The following AKT2 variants were observed in gnomAD, a reference collection of about 807,000 sequenced individuals.
AKT2 encodes RAC-beta serine/threonine-protein kinase.
Under a neutral mutation model 58.6 loss-of-function variants are expected in AKT2, and 16 were observed. That is an observed-to-expected ratio of 0.27 (90% CI 0.18 to 0.41). The LOEUF (loss-of-function observed/expected upper bound fraction) is 0.41, where lower values mean the gene tolerates loss of function less well. Among genes scored for constraint, AKT2 ranks in the 10% least tolerant of loss-of-function variants. AKT2 has a pLI of 1.00. For missense variants in AKT2, 438 were observed against 661.0 expected, an observed-to-expected ratio of 0.66 and a Z score of 3.70; for synonymous variants, 253 against 254.0, an observed-to-expected ratio of 1.00 and a Z score of 0.04.
chr19:40,260,080 A>C (rs944924362), intron 2 of AKT2, among the ~76,000 whole-genome samples: 5 of 152,144 alleles, frequency 3.3e-5, no homozygotes, highest in Non-Finnish European at 5.9e-5. Context: ...TGAACCCAGG[A>C]GGTGGAGGTT....
Position 40,242,244 on chromosome 19 carries a change from GC to G in AKT2, c.442-176del. On this transcript the variant is annotated intron_variant, in intron 5 of 13. Transcript: ENST00000392038. This position sits in a 1 kb window ranked among gnomAD's most constrained non-coding sequence, Gnocchi z 4.3. ...TGTTCTGAAGCGGCCTTCAGACCAG[GC>G]TCTGCAGGCACAGGGCCTTGGGAGG... The G allele has an allele frequency of 2.0e-6, 2 of 994,320 alleles. No homozygotes were observed. The highest frequency in any genetic ancestry group is 1.4e-5 in the South Asian group (1 of 70,524). 61.6% of individuals were successfully genotyped at this position (994,320 alleles called of 1,614,324 possible). A position where few individuals can be genotyped will look rare whatever the true frequency, so the allele number is the denominator to read the frequency against.
Position 40,242,594 on chromosome 19 carries a change from G to A in AKT2, c.381C>T (p.Pro127=), listed in dbSNP as rs1181595533. ...EDPMDYKCGS[P]SDSSTTEEME... ...TCTCCTCAGTCGTGGAGGAGTCACT[G>A]GGGGAGCCACACTTGTAGTCCATGG... is the stretch of plus-strand genomic sequence containing the variant. Residue 127 remains proline (P), a synonymous_variant, in exon 5 of 14, where the codon CCC becomes CCT. Coordinates refer to ENST00000392038, the MANE Select transcript of AKT2 (RefSeq NM_001626.6). The surrounding 1 kb of genome is among the most constrained non-coding windows in gnomAD (Gnocchi z 4.3). The A allele has an allele frequency of 6.2e-7, 1 of 1,613,676 alleles. No homozygotes were observed. The highest frequency in any genetic ancestry group is 1.3e-5 in the African/African-American group (1 of 74,934).
chr19:40,249,267 C>A (rs541862759), intron 4 of AKT2, among the ~76,000 whole-genome samples: 1 of 152,130 alleles, frequency 6.6e-6, no homozygotes, highest in Non-Finnish European at 1.5e-5. Flanking sequence ...TGAGAGGAGA[C>A]CCCGGCATCC....
intron 2 of AKT2, among the ~76,000 whole-genome samples, chr19:40,258,455 G>A (rs1269936957): frequency 6.6e-6 from 1 of 151,746 alleles, no homozygotes; most frequent in East Asian, 1.9e-4. Flanking sequence ...GCTTAAGTCT[G>A]GAGTTTGAGA....
rs555927298 is a variant in AKT2, at chr19:40,281,754, G to A, written c.-85+3427C>T. 1.4e-4 allele frequency among the ~76,000 whole-genome samples: 22 copies of A among 152,352 alleles called. No homozygotes were observed. The South Asian group carries it at 4.3e-3, about 30-fold the overall frequency. On this transcript the variant is annotated intron_variant, in intron 1 of 13. Coordinates refer to ENST00000392038, the MANE Select transcript of AKT2 (RefSeq NM_001626.6). ...ACTGGCAAAGGCCTTCAAAGTCCCGGCAGAAATACTAAGAATTACAATTGC... is the reference window on the plus strand; with the variant it reads ...ACTGGCAAAGGCCTTCAAAGTCCCGACAGAAATACTAAGAATTACAATTGC...
In AKT2 at chr19:40,241,366, G is replaced by A. The variant is rs950334413; in HGVS notation, c.573+572C>T. 1.7e-5 allele frequency: 3 copies of A among 176,238 alleles called. 1 individual carries two copies. Among genetic ancestry groups the A allele is most frequent in the South Asian group, 2.5e-4 (2 of 7,948 alleles). The allele number at this position is 176,238 out of a possible 1,614,324, so 10.9% of individuals were successfully genotyped here. A position where few individuals can be genotyped will look rare whatever the true frequency, so the allele number is the denominator to read the frequency against. ...TCAGGACACATGTTCAAGTATGGAT[G>A]AGTGAAGTGACGTGTTGTCTAGGAC... On this transcript the variant is annotated intron_variant, in intron 6 of 13. Coordinates refer to ENST00000392038, the MANE Select transcript of AKT2 (RefSeq NM_001626.6).
Position 40,242,140 on chromosome 19 carries a change from AG to A in AKT2, c.442-72del. 2 of 1,603,676 alleles carry A rather than the reference AG, an allele frequency of 1.2e-6. No individual in the cohort carries two copies. Among genetic ancestry groups the A allele is most frequent in the Non-Finnish European group, 1.7e-6 (2 of 1,174,098 alleles). ...GCCCGTGGGAGGAAATTTTAACAAA[AG>A]AAAGAGGAAAACCAAAAGACACTGT... On this transcript the variant is annotated intron_variant, in intron 5 of 13. Transcript: ENST00000392038. This position sits in a 1 kb window ranked among gnomAD's most constrained non-coding sequence, Gnocchi z 4.3.
intron 1 of AKT2, among the ~76,000 whole-genome samples, chr19:40,269,895 G>A (rs1287170775): frequency 6.6e-6 from 1 of 152,064 alleles, no homozygotes; most frequent in Non-Finnish European, 1.5e-5. Flanking sequence ...CCCCTTCTCC[G>A]CTCGAACCCT....
chr19:40,232,513 T>C lies in AKT2; in HGVS notation c.*1359A>G, dbSNP rs1158019463. On this transcript the variant is annotated 3_prime_UTR_variant, in exon 14 of 14. Transcript: ENST00000392038. ...GAACTGTGTAGTACAGGAGATGGGA[T>C]AGGGAGAGCAAACCCACAAAAGCTA... is the stretch of plus-strand genomic sequence containing the variant. The C allele has an allele frequency of 4.4e-6, 1 of 228,680 alleles. No individual in the cohort carries two copies. Among genetic ancestry groups the C allele is most frequent in the Non-Finnish European group, 8.6e-6 (1 of 116,120 alleles). The allele number at this position is 228,680 out of a possible 1,614,324, so 14.2% of individuals were successfully genotyped here.
In AKT2 at chr19:40,242,175, G is replaced by A. The variant is rs957921197; in HGVS notation, c.442-106C>T. ...AAACCAAAAGACACTGTTGCCAAACGGCTTAGGCTGGAGCAGGAAGGGAGG... is the reference window on the plus strand; with the variant it reads ...AAACCAAAAGACACTGTTGCCAAACAGCTTAGGCTGGAGCAGGAAGGGAGG... On this transcript the variant is annotated intron_variant, in intron 5 of 13. Coordinates refer to ENST00000392038, the MANE Select transcript of AKT2 (RefSeq NM_001626.6). The surrounding 1 kb of genome is among the most constrained non-coding windows in gnomAD (Gnocchi z 4.3). 6.6e-6 allele frequency: 10 copies of A among 1,508,546 alleles called. No homozygotes were observed. Among genetic ancestry groups the A allele is most frequent in the Admixed American group, 3.5e-5 (2 of 56,722 alleles). 93.4% of individuals were successfully genotyped at this position (1,508,546 alleles called of 1,614,324 possible).
chr19:40,265,215 C>T lies in AKT2; in HGVS notation c.46+7G>A. 6.2e-7 allele frequency: 1 copy of T among 1,612,690 alleles called. No homozygotes were observed. The highest frequency in any genetic ancestry group is 1.1e-5 in the South Asian group (1 of 90,664). Reference sequence around the variant, plus strand: ...AAAGAATCTGGCGGGCAAAAGCGGCCTCTTACCACGCTTGTGGAGCCAGCC... The same window carrying T: ...AAAGAATCTGGCGGGCAAAAGCGGCTTCTTACCACGCTTGTGGAGCCAGCC... On this transcript the variant is annotated splice_region_variant and intron_variant, in intron 2 of 13. Coordinates refer to ENST00000392038, the MANE Select transcript of AKT2 (RefSeq NM_001626.6).
chr19:40,237,722 G>A lies in AKT2; in HGVS notation c.831+247C>T, dbSNP rs1035167023. ...CCTAGGAGCGCTCATGGGAGGCTTGGGAAGGTCCCTACTTGGGGCAACTTG... is the reference window on the plus strand; with the variant it reads ...CCTAGGAGCGCTCATGGGAGGCTTGAGAAGGTCCCTACTTGGGGCAACTTG... On this transcript the variant is annotated intron_variant, in intron 9 of 13. Coordinates refer to ENST00000392038, the MANE Select transcript of AKT2 (RefSeq NM_001626.6). The surrounding 1 kb of genome is among the most constrained non-coding windows in gnomAD (Gnocchi z 4.5). 9.6e-6 allele frequency: 5 copies of A among 519,894 alleles called. No individual in the cohort carries two copies. The highest frequency in any genetic ancestry group is 5.5e-4 in the Middle Eastern group (1 of 1,818). 32.2% of individuals were successfully genotyped at this position (519,894 alleles called of 1,614,324 possible).
At chr19:40,268,187 C>T (rs745989757) in intron 1 of AKT2, among the ~76,000 whole-genome samples, 32 of 152,146 alleles carry the variant, frequency 2.1e-4, no homozygotes, top group Admixed American at 3.3e-4. Flanking sequence ...AACTCAGAGT[C>T]CAAAGGAGGG....
Position 40,235,260 on chromosome 19 carries a change from C to T in AKT2, c.1263+3G>A, listed in dbSNP as rs1973945651. ...TCCTGCTGGGGCAAGCAGTGGGGCT[C>T]ACCTTCTTCTGGACCACGTCCTGCC... is the stretch of plus-strand genomic sequence containing the variant. On this transcript the variant is annotated splice_donor_region_variant and intron_variant, in intron 12 of 13. Coordinates refer to ENST00000392038, the MANE Select transcript of AKT2 (RefSeq NM_001626.6). This position sits in a 1 kb window ranked among gnomAD's most constrained non-coding sequence, Gnocchi z 6.3. The T allele has an allele frequency of 6.2e-7, 1 of 1,614,030 alleles. No individual in the cohort carries two copies.
chr19:40,273,045 C>A (rs1247815228), intron 1 of AKT2, among the ~76,000 whole-genome samples: 2 of 152,134 alleles, frequency 1.3e-5, no homozygotes, highest in African/African-American at 4.8e-5. Flanking sequence ...CAACACGTAT[C>A]AAATATTATC....
At chr19:40,243,798 C>T (rs1974562171) in intron 4 of AKT2, 2 of 152,008 alleles carry the variant, frequency 1.3e-5, no homozygotes, top group Middle Eastern at 3.1e-3. Flanking sequence ...AATCCCAGCA[C>T]TTTGGGAGGC....
intron 1 of AKT2, chr19:40,275,083 G>A (rs2077287200): frequency 2.2e-6 from 1 of 456,730 alleles, no homozygotes; most frequent in Non-Finnish European, 4.4e-6. Flanking sequence ...ACCGAGGATG[G>A]GAGAGATTCG....
At chr19:40,275,414 T>A (rs1192636758) in intron 1 of AKT2, 1 of 423,220 alleles carries the variant, frequency 2.4e-6, no homozygotes, top group African/African-American at 2.0e-5. Context: ...TCAAGGCTAA[T>A]ACTCAGTGAG....
At chr19:40,245,137 T>G (rs1368306662) in intron 4 of AKT2, among the ~76,000 whole-genome samples, 1 of 152,156 alleles carries the variant, frequency 6.6e-6, no homozygotes, top group East Asian at 1.9e-4. Context: ...TGTCGTGAGG[T>G]AGAATGCCTG....
Sources: allele counts gnomAD v4.1 joint callset (sites outside exome capture counted in the v4.1 genomes callset), GRCh38; gene constraint gnomAD v4.1.1; non-coding constraint Gnocchi (gnomAD v3.1); transcripts MANE v1.5; gene names NCBI Gene and HGNC (gene_info 2026-07-23, HGNC 2026-07-21).